The following BTBD8 variants were observed in gnomAD, a reference collection of about 807,000 sequenced individuals.
The protein encoded by BTBD8 is BTB/POZ domain-containing protein 8.
BTBD8 carries 110 observed loss-of-function variants against 162.9 expected under a neutral mutation model. That is an observed-to-expected ratio of 0.68 (90% CI 0.58 to 0.79). The LOEUF (loss-of-function observed/expected upper bound fraction) is 0.79. BTBD8 is among the 30% of genes least tolerant of loss of function. BTBD8 has a pLI of 0.00. For synonymous variants in BTBD8, 667 were observed against 716.1 expected (o/e 0.93, Z 1.10); for missense variants, 1,905 against 2,085.4 (o/e 0.91, Z 1.68).
At chr1:92,116,008 C>T (rs139457344) in intron 4 of BTBD8, among the ~76,000 whole-genome samples, 1 of 152,148 alleles carries the variant, frequency 6.6e-6, no homozygotes, top group East Asian at 1.9e-4. Context: ...ATTTCCTAAG[C>T]ACTGCTTAGC....
Position 92,112,418 on chromosome 1 carries a change from C to T in BTBD8, c.662+4417C>T, listed in dbSNP as rs1648923694. Reference sequence around the variant, plus strand: ...ACCCTGTCTCAAAAAAAATTAAAATCAAACTAGGTATCATAGTGTATATAT... The same window carrying T: ...ACCCTGTCTCAAAAAAAATTAAAATTAAACTAGGTATCATAGTGTATATAT... On this transcript the variant is annotated intron_variant, in intron 4 of 17. Coordinates refer to ENST00000636805, the MANE Select transcript of BTBD8 (RefSeq NM_001376131.1). 2.0e-5 allele frequency among the ~76,000 whole-genome samples: 3 copies of T among 152,026 alleles called. No individual in the cohort carries two copies. In the South Asian group the frequency reaches 6.2e-4, roughly 32 times the overall value.
At chr1:92,123,095 A>G (rs1431256834) in intron 4 of BTBD8, among the ~76,000 whole-genome samples, 1 of 152,164 alleles carries the variant, frequency 6.6e-6, no homozygotes, top group Non-Finnish European at 1.5e-5. Flanking sequence ...CCTTTTGATG[A>G]TAAGACTGTC....
chr1:92,160,862 C>T lies in BTBD8; in HGVS notation c.1123-6096C>T, dbSNP rs150161257. On this transcript the variant is annotated intron_variant, in intron 9 of 17. Coordinates refer to ENST00000636805, the MANE Select transcript of BTBD8 (RefSeq NM_001376131.1). ...ATATGGTGACTACCAACCCAAATCA[C>T]CATTTATGTTCTTTCCCAGGTAGCT... Among the ~76,000 whole-genome samples, 6 of 152,236 alleles carry T rather than the reference C, an allele frequency of 3.9e-5. No individual in the cohort carries two copies. In the East Asian group the frequency reaches 1.2e-3, roughly 29 times the overall value.
At chr1:92,135,182 C>T (rs1451520096) in intron 5 of BTBD8, among the ~76,000 whole-genome samples, 3 of 151,574 alleles carry the variant, frequency 2.0e-5, no homozygotes, top group East Asian at 2.0e-4. Flanking sequence ...CCACTGTGCC[C>T]GGCCTTATTT....
At chr1:92,117,894 T>G (rs1649088598) in intron 4 of BTBD8, among the ~76,000 whole-genome samples, 1 of 152,032 alleles carries the variant, frequency 6.6e-6, no homozygotes, top group African/African-American at 2.4e-5. Flanking sequence ...TGTACTGCCT[T>G]TTTCCATGGT....
chr1:92,142,238 G>A (rs1649794878), intron 7 of BTBD8, among the ~76,000 whole-genome samples: 2 of 152,160 alleles, frequency 1.3e-5, no homozygotes, highest in Non-Finnish European at 2.9e-5. Flanking sequence ...GAGGAATTCT[G>A]GTCAAAGGTT....
At chr1:92,167,252 T>C (rs975473396) in intron 10 of BTBD8, 112 bp downstream of exon 10, 1 of 1,283,092 alleles carries the variant, frequency 7.8e-7, no homozygotes, top group African/African-American at 1.5e-5. Flanking sequence ...GTGATTTAAA[T>C]AAACTCCATA....
intron 13 of BTBD8, 35 bp from the exon 14 acceptor site, chr1:92,176,794 G>C: frequency 9.6e-7 from 1 of 1,042,716 alleles, no homozygotes. Flanking sequence ...AAAGATTTCA[G>C]TCAAATTACA....
At chr1:92,099,202 C>T (rs1254017801) in intron 2 of BTBD8, among the ~76,000 whole-genome samples, 3 of 152,100 alleles carry the variant, frequency 2.0e-5, no homozygotes, top group Non-Finnish European at 4.4e-5. Context: ...AAATTAGTTG[C>T]CCATAAATGT....
At chr1:92,131,765 T>C (rs1490484907) in intron 5 of BTBD8, among the ~76,000 whole-genome samples, 2 of 151,844 alleles carry the variant, frequency 1.3e-5, no homozygotes, top group East Asian at 3.9e-4. Context: ...AATGATGATC[T>C]AATTAAATTC....
At position 92,153,494 on chromosome 1, in the gene BTBD8, A is replaced by G. The variant is rs192128958; in HGVS notation, c.1122+5708A>G. On this transcript the variant is annotated intron_variant, in intron 9 of 17. Coordinates refer to ENST00000636805, the MANE Select transcript of BTBD8 (RefSeq NM_001376131.1). The stretch of plus-strand genomic sequence containing the variant: ...GCTGATCTCTCATCTTTCGTAACTG[A>G]AACTTAATGCCCAATGATAGCAACT... Among the ~76,000 whole-genome samples, 79 of 152,266 alleles carry G rather than the reference A, an allele frequency of 5.2e-4. 1 individual carries two copies. The highest frequency in any genetic ancestry group is 1.4e-3 in the Admixed American group (21 of 15,280).
At position 92,181,934 on chromosome 1, in the gene BTBD8, T is replaced by G; in HGVS notation, c.4251T>G (p.Phe1417Leu). 1 of 1,551,648 alleles carries G rather than the reference T, an allele frequency of 6.4e-7. No individual in the cohort carries two copies. The highest frequency in any genetic ancestry group is 8.7e-7 in the Non-Finnish European group (1 of 1,146,942). Reference protein sequence around the residue: ...QQFQGIINLAFEDATENECRE... With the variant: ...QQFQGIINLALEDATENECRE... ...TTCAGGGAATAATTAATTTAGCTTTTGAAGATGCAACTGAAAATGAATGTC... is the reference window on the plus strand; with the variant it reads ...TTCAGGGAATAATTAATTTAGCTTTGGAAGATGCAACTGAAAATGAATGTC... Residue 1417 changes from phenylalanine to leucine, a missense_variant, in exon 17 of 18, where the codon TTT becomes TTG. By Grantham distance (22) the Phe-to-Leu change is conservative. Around this residue, in one of 3 missense-constraint regions of BTBD8, gnomAD observed 517 missense variants for 606.6 expected, o/e 0.85. Coordinates refer to ENST00000636805, the MANE Select transcript of BTBD8 (RefSeq NM_001376131.1).
intron 2 of BTBD8, among the ~76,000 whole-genome samples, chr1:92,098,692 A>G (rs1158852200): frequency 6.6e-6 from 1 of 152,058 alleles, no homozygotes; most frequent in Non-Finnish European, 1.5e-5. Context: ...AATGATCTTG[A>G]GCAATTTTTG....
At chr1:92,118,804 T>TTTTC (rs760578589) in intron 4 of BTBD8, among the ~76,000 whole-genome samples, 5 of 19,210 alleles carry the variant, frequency 2.6e-4, no homozygotes, top group East Asian at 9.6e-3. Context: ...TCTTTCTTTC[T>TTTTC]TTTTTTTTTT....
chr1:92,126,473 C>T, intron 4 of BTBD8: 2 of 811,848 alleles, frequency 2.5e-6, no homozygotes, highest in Admixed American at 3.8e-5. Context: ...TGAAATCTGC[C>T]TCTTGGGCCT....
intron 6 of BTBD8, 126 bp downstream of exon 6, chr1:92,139,556 A>T: frequency 7.5e-7 from 1 of 1,340,266 alleles, no homozygotes; most frequent in Non-Finnish European, 9.6e-7. Flanking sequence ...TATCTTCAGT[A>T]GGTTTTGAGA....
Position 92,116,812 on chromosome 1 carries a change from A to G in BTBD8, c.662+8811A>G, listed in dbSNP as rs950495869. Among the ~76,000 whole-genome samples, 16 of 151,636 alleles carry G rather than the reference A, an allele frequency of 1.1e-4. 1 individual carries two copies. Among genetic ancestry groups the G allele is most frequent in the African/African-American group, 3.9e-4 (16 of 41,168 alleles). On this transcript the variant is annotated intron_variant, in intron 4 of 17. Coordinates refer to ENST00000636805, the MANE Select transcript of BTBD8 (RefSeq NM_001376131.1). ...TGGAGTAGACTATTTGACTATTTGT[A>G]ATAATGTAGTTATTAATATGTTTGA...
rs903711474 is a variant in BTBD8, at chr1:92,181,870, C to T, written c.4187C>T (p.Ala1396Val). Reference sequence around the variant, plus strand: ...GAAAGATCTGAAGCTGAAAACGTTGCAGAAAATTTCTCTATATCTAACCCA... The same window carrying T: ...GAAAGATCTGAAGCTGAAAACGTTGTAGAAAATTTCTCTATATCTAACCCA... ...EDERSEAENVAENFSISNPAP... is the reference protein window; with the variant it reads ...EDERSEAENVVENFSISNPAP... Residue 1396 changes from alanine (A) to valine (V), a missense_variant, in exon 17 of 18, where the codon GCA (alanine) becomes GTA (valine). By Grantham distance (64) the Ala-to-Val change is moderately conservative (BLOSUM62 0). This residue lies in a region of BTBD8 where 517 missense variants were observed against 606.6 expected (regional missense o/e 0.85). Coordinates refer to ENST00000636805, the MANE Select transcript of BTBD8 (RefSeq NM_001376131.1). 6.4e-7 allele frequency: 1 copy of T among 1,550,924 alleles called. No homozygotes were observed.
chr1:92,158,780 GA>G (rs563706126), intron 9 of BTBD8, among the ~76,000 whole-genome samples: 2 of 149,550 alleles, frequency 1.3e-5, no homozygotes, highest in East Asian at 2.0e-4. Context: ...TTAAAAAAAT[GA>G]AAAAAAAAAT....
Sources: gnomAD v4.1 joint callset for allele counts (sites outside exome capture counted in the v4.1 genomes callset) on GRCh38, gnomAD v4.1.1 for gene constraint, gnomAD v4.1.1 regional missense constraint, MANE v1.5 for transcripts, NCBI Gene and HGNC (gene_info 2026-07-23, HGNC 2026-07-21) for gene names.